The following METTL25B variants were observed in gnomAD, a reference collection of about 807,000 sequenced individuals.
METTL25B encodes the protein methyltransferase like 25B, also known as methyltransferase-like protein 25B.
METTL25B carries 38 observed loss-of-function variants against 48.4 expected under a neutral mutation model. That is an observed-to-expected ratio of 0.78 (90% CI 0.61 to 1.03). The LOEUF is 1.03. METTL25B is among the 50% of genes least tolerant of loss of function. METTL25B has a pLI of 0.00. For synonymous variants in METTL25B, 230 were observed against 254.5 expected (o/e 0.90, Z 0.92); for missense variants, 537 against 603.7 (o/e 0.89, Z 1.16).
Position 156,733,448 on chromosome 1 carries a change from G to T in METTL25B, c.564G>T (p.Leu188=), listed in dbSNP as rs371800748. The part of the protein sequence containing the change: ...MVKSIEGDQR[L]VERAQRLDQE... ...AGAGCATCGAAGGGGATCAGAGACT[G>T]GTGGAGAGAGCCCAGCGCCTGGACC... The change falls in exon 5 of 8, where the codon CTG becomes CTT. Residue 188 remains leucine (L), a synonymous_variant. Transcript: ENST00000368216. 12 of 1,614,006 alleles carry T rather than the reference G, an allele frequency of 7.4e-6. No individual in the cohort carries two copies. Among genetic ancestry groups the T allele is most frequent in the Non-Finnish European group, 9.3e-6 (11 of 1,179,998 alleles).
At position 156,728,612 on chromosome 1, in the gene METTL25B, A is replaced by AGGGGGCGGCGTGGGTGGGGGC; in HGVS notation, c.-484_-464dup. The stretch of plus-strand genomic sequence containing the variant: ...TGAGGAGCGGCAGTGGCGGCGGAGG[A>AGGGGGCGGCGTGGGTGGGGGC]GGGGGCGGCGTGGGTGGGGGCGGGG... On this transcript the variant is annotated 5_prime_UTR_variant, in exon 1 of 8. Transcript: ENST00000368216. The AGGGGGCGGCGTGGGTGGGGGC allele has an allele frequency of 2.6e-6, 1 of 378,258 alleles. No homozygotes were observed. The highest frequency in any genetic ancestry group is 3.3e-5 in the African/African-American group (1 of 30,458). 23.4% of individuals were successfully genotyped at this position (378,258 alleles called of 1,614,324 possible).
At chr1:156,735,664 T>G in intron 6 of METTL25B, 61 bp from the exon 7 acceptor site, 1 of 1,419,460 alleles carries the variant, frequency 7.0e-7, no homozygotes, top group Non-Finnish European at 9.3e-7. Context: ...CAAGCAAAGT[T>G]TAAGTGAGAG....
chr1:156,735,476 G>A (rs1303785040), intron 6 of METTL25B: 4 of 124,734 alleles, frequency 3.2e-5, no homozygotes, highest in African/African-American at 1.3e-4. Context: ...AAGGCAGGAG[G>A]ATTGCTTGAG....
chr1:156,732,118 ATGGGCTAGAAGGTCCC>A lies in METTL25B; in HGVS notation c.236+6_236+21del, dbSNP rs1649347497. On this transcript the variant is annotated splice_donor_5th_base_variant and intron_variant, in intron 2 of 7. Transcript: ENST00000368216. ...CCTGGGGAAGGGGAGGTCGTCAGGT[ATGGGCTAGAAGGTCCC>A]TGTGCTGGGGAACTCAAGGCTTTAA... The A allele has an allele frequency of 6.2e-7, 1 of 1,614,182 alleles. No individual in the cohort carries two copies. The highest frequency in any genetic ancestry group is 8.5e-7 in the Non-Finnish European group (1 of 1,180,024).
rs1325609580 is a variant in METTL25B at position 156,729,003 on chromosome 1, C to CT, written c.-101dup. ...GGACCCAAAACTCTTCCTGTTCTGC[C>CT]TGCAGAGTTGAGCCCCGTCCGGGTC... On this transcript the variant is annotated 5_prime_UTR_variant, in exon 1 of 8. Coordinates refer to ENST00000368216, the MANE Select transcript of METTL25B (RefSeq NM_015997.4). The CT allele has an allele frequency of 1.6e-6, 1 of 626,700 alleles. No individual in the cohort carries two copies. Among genetic ancestry groups the CT allele is most frequent in the Non-Finnish European group, 2.6e-6 (1 of 378,130 alleles). The allele number at this position is 626,700 out of a possible 1,614,324, so 38.8% of individuals were successfully genotyped here.
Position 156,734,558 on chromosome 1 carries a change from G to C in METTL25B, c.1121+65G>C, listed in dbSNP as rs954604703. On this transcript the variant is annotated intron_variant, in intron 6 of 7. Coordinates refer to ENST00000368216, the MANE Select transcript of METTL25B (RefSeq NM_015997.4). ...TTTCTTTTTTTTTTTTTGAGATGGA[G>C]TCTGGCTCTGTTGCCCAGGCTGGAG... 2.1e-6 allele frequency: 3 copies of C among 1,443,936 alleles called. No homozygotes were observed. In the African/African-American group the frequency reaches 4.3e-5, roughly 21 times the overall value. The allele number at this position is 1,443,936 out of a possible 1,614,324, so 89.4% of individuals were successfully genotyped here. A position where few individuals can be genotyped will look rare whatever the true frequency, so the allele number is the denominator to read the frequency against.
chr1:156,732,244 G>C (rs563870497), intron 2 of METTL25B, 37 bp from the exon 3 acceptor site: 1 of 1,611,544 alleles, frequency 6.2e-7, no homozygotes, highest in Admixed American at 1.7e-5. Flanking sequence ...AGATGTGATG[G>C]GACTATTCAC....
chr1:156,729,333 C>A, intron 1 of METTL25B, 118 bp downstream of exon 1: 1 of 649,700 alleles, frequency 1.5e-6, no homozygotes, highest in South Asian at 1.8e-5. Flanking sequence ...GAGTTTCAGT[C>A]TTTTTCTGTA....
In METTL25B at chr1:156,728,508, T is replaced by C. The variant is rs896029363; in HGVS notation, c.-597T>C. The C allele has an allele frequency of 1.3e-5, 13 of 985,176 alleles. No homozygotes were observed. Among genetic ancestry groups the C allele is most frequent in the Non-Finnish European group, 1.6e-5 (13 of 829,828 alleles). The allele number at this position is 985,176 out of a possible 1,614,324, so 61.0% of individuals were successfully genotyped here. On this transcript the variant is annotated 5_prime_UTR_variant, in exon 1 of 8. Coordinates refer to ENST00000368216, the MANE Select transcript of METTL25B (RefSeq NM_015997.4). Reference sequence around the variant, plus strand: ...AAGCCCGGGAAGGCAGGCGCGCGGGTTAGAACGCGCCAGAGGTCGGCGCGC... The same window carrying C: ...AAGCCCGGGAAGGCAGGCGCGCGGGCTAGAACGCGCCAGAGGTCGGCGCGC...
chr1:156,730,580 A>AT (rs1191950469), intron 1 of METTL25B, among the ~76,000 whole-genome samples: 1 of 151,972 alleles, frequency 6.6e-6, no homozygotes, highest in Non-Finnish European at 1.5e-5. Flanking sequence ...ATAAAATAAA[A>AT]AAATAGCTAG....
rs1648967034 is a variant in METTL25B at position 156,728,913 on chromosome 1, CG to C, written c.-191del. The C allele has an allele frequency of 1.7e-6, 1 of 580,284 alleles. No individual in the cohort carries two copies. The highest frequency in any genetic ancestry group is 4.6e-4 in the Middle Eastern group (1 of 2,164). 35.9% of individuals were successfully genotyped at this position (580,284 alleles called of 1,614,324 possible). ...CACTGTGAAACGTCGCGACCTGTGACGTCTGGGGGGCGCCTCAAATCTTCCA... is the reference window on the plus strand; with the variant it reads ...CACTGTGAAACGTCGCGACCTGTGACTCTGGGGGGCGCCTCAAATCTTCCA... On this transcript the variant is annotated 5_prime_UTR_variant, in exon 1 of 8. Coordinates refer to ENST00000368216, the MANE Select transcript of METTL25B (RefSeq NM_015997.4).
At chr1:156,729,991 C>T (rs1314901019) in intron 1 of METTL25B, among the ~76,000 whole-genome samples, 1 of 152,204 alleles carries the variant, frequency 6.6e-6, no homozygotes, top group African/African-American at 2.4e-5. Context: ...CGGAATAGAT[C>T]CCAAATTCAT....
At chr1:156,732,260 G>A (rs374204395) in intron 2 of METTL25B, 21 bp from the exon 3 acceptor site, 17 of 1,612,734 alleles carry the variant, frequency 1.1e-5, no homozygotes, top group Non-Finnish European at 1.4e-5. Context: ...TTCACTGGAG[G>A]CCTCGGCTGG....
At chr1:156,734,887 A>G (rs900550739) in intron 6 of METTL25B, among the ~76,000 whole-genome samples, 1 of 152,020 alleles carries the variant, frequency 6.6e-6, no homozygotes, top group Admixed American at 6.5e-5. Context: ...TAGCCTAAAG[A>G]AAATCTAAGT....
chr1:156,729,268 T>C, intron 1 of METTL25B, 53 bp downstream of exon 1: 1 of 1,045,926 alleles, frequency 9.6e-7, no homozygotes, highest in Non-Finnish European at 1.5e-6. Context: ...GTTGGCTAGG[T>C]GCCCACGTCA....
intron 1 of METTL25B, among the ~76,000 whole-genome samples, 198 bp from the exon 2 acceptor site, chr1:156,731,793 C>T (rs1649311857): frequency 6.6e-6 from 1 of 152,186 alleles, no homozygotes; most frequent in African/African-American, 2.4e-5. Context: ...CAGAGTTAAG[C>T]CACCAGAGTC....
chr1:156,732,314 C>G lies in METTL25B; in HGVS notation c.270C>G (p.Ala90=). 1 of 1,614,214 alleles carries G rather than the reference C, an allele frequency of 6.2e-7. No individual in the cohort carries two copies. The highest frequency in any genetic ancestry group is 8.5e-7 in the Non-Finnish European group (1 of 1,180,040). Residue 90 remains alanine, a synonymous_variant, in exon 3 of 8, where the codon GCC becomes GCG. Transcript: ENST00000368216. ...YRSVWPLTLL[A]LKSTACALAF... is the part of the protein sequence containing the mutation. ...CAGTGTGGCCACTCACCCTGCTGGC[C>G]CTGAAGTCCACGGCGTGTGCCCTGG... is the stretch of plus-strand genomic sequence containing the variant.
At chr1:156,735,598 TC>T (rs1649708629) in intron 6 of METTL25B, 126 bp from the exon 7 acceptor site, 1 of 175,550 alleles carries the variant, frequency 5.7e-6, no homozygotes, top group Non-Finnish European at 9.8e-6. Context: ...GCACATATGT[TC>T]ATGAAAACGC....
At position 156,734,296 on chromosome 1, in the gene METTL25B, T is replaced by C. The variant is rs369848434; in HGVS notation, c.924T>C (p.Tyr308=). The C allele has an allele frequency of 1.2e-6, 2 of 1,614,140 alleles. No homozygotes were observed. The highest frequency in any genetic ancestry group is 1.7e-6 in the Non-Finnish European group (2 of 1,180,006). The part of the protein sequence containing the change: ...LSQWVAGLPG[Y]ELPYRLREGA... Reference sequence around the variant, plus strand: ...AGTGGGTGGCTGGGCTGCCTGGCTATGAACTGCCCTACCGGCTTCGGGAGG... The same window carrying C: ...AGTGGGTGGCTGGGCTGCCTGGCTACGAACTGCCCTACCGGCTTCGGGAGG... The change falls in exon 6 of 8, where the codon TAT becomes TAC. Residue 308 remains tyrosine, a synonymous_variant. Transcript: ENST00000368216.
Sources: allele counts gnomAD v4.1 joint callset (sites outside exome capture counted in the v4.1 genomes callset), GRCh38; gene constraint gnomAD v4.1.1; transcripts MANE v1.5; gene names NCBI Gene and HGNC (gene_info 2026-07-23, HGNC 2026-07-21).